DACH1: variants seen among roughly 807,000 people sequenced by gnomAD.
The protein encoded by DACH1 is dachshund homolog 1.
In DACH1, 12 loss-of-function variants were observed where a neutral mutation model predicts 54.2. That is an observed-to-expected ratio of 0.22 (90% CI 0.14 to 0.36). The LOEUF (loss-of-function observed/expected upper bound fraction) is 0.36, where lower values mean the gene tolerates loss of function less well. Ranked by LOEUF, DACH1 falls within the 10% of genes least tolerant of loss-of-function variation. The pLI is 1.00. For missense variants in DACH1, 805 were observed against 929.8 expected (o/e 0.87, Z 1.75); for synonymous variants, 386 against 366.2 (o/e 1.05, Z -0.62).
At chr13:71,625,140 T>C (rs978870329) in intron 3 of DACH1, among the ~76,000 whole-genome samples, 1 of 151,940 alleles carries the variant, frequency 6.6e-6, no homozygotes, top group Non-Finnish European at 1.5e-5. Context: ...AGAAACCAAA[T>C]GACTACTGTA....
At chr13:71,721,296 A>G (rs2138803368) in intron 1 of DACH1, among the ~76,000 whole-genome samples, 1 of 152,236 alleles carries the variant, frequency 6.6e-6, no homozygotes, top group African/African-American at 2.4e-5. Context: ...TGATGTGAAC[A>G]GCCAAGAGAT....
Position 71,440,397 on chromosome 13 carries a change from G to T in DACH1, c.*258C>A, listed in dbSNP as rs2138091299. The T allele has an allele frequency of 1.3e-5, 5 of 396,806 alleles. No individual in the cohort carries two copies. In the South Asian group the frequency reaches 1.5e-4, roughly 12 times the overall value. The allele number at this position is 396,806 out of a possible 1,614,324, so 24.6% of individuals were successfully genotyped here. A position where few individuals can be genotyped will look rare whatever the true frequency, so the allele number is the denominator to read the frequency against. On this transcript the variant is annotated 3_prime_UTR_variant, in exon 11 of 11. Transcript: ENST00000613252. Reference sequence around the variant, plus strand: ...TCTGTATACAATTGTCCAGCAGCAAGTTGCAGTAATTAACTGTAAGAACTT... The same window carrying T: ...TCTGTATACAATTGTCCAGCAGCAATTTGCAGTAATTAACTGTAAGAACTT...
At chr13:71,497,595 G>T (rs1879543727) in intron 6 of DACH1, among the ~76,000 whole-genome samples, 1 of 152,124 alleles carries the variant, frequency 6.6e-6, no homozygotes, top group South Asian at 2.1e-4. Flanking sequence ...GCCTCCCAAA[G>T]TGCTGGGATT....
intron 1 of DACH1, among the ~76,000 whole-genome samples, chr13:71,707,050 T>C (rs1048067196): frequency 3.9e-5 from 6 of 152,248 alleles, no homozygotes; most frequent in African/African-American, 1.4e-4. Context: ...TTTAATTTAA[T>C]ACATTTAGTG....
intron 1 of DACH1, among the ~76,000 whole-genome samples, chr13:71,767,492 T>C (rs959161006): frequency 6.6e-6 from 1 of 152,086 alleles, no homozygotes; most frequent in Non-Finnish European, 1.5e-5. Flanking sequence ...AATCCATTTC[T>C]ATGACAGAGA....
chr13:71,573,177 T>C (rs1046364951), intron 3 of DACH1, among the ~76,000 whole-genome samples, 165 bp from the exon 4 acceptor site: 1 of 152,180 alleles, frequency 6.6e-6, no homozygotes, highest in African/African-American at 2.4e-5. Flanking sequence ...TACAGCTATC[T>C]GGTTTGGTGC....
intron 1 of DACH1, among the ~76,000 whole-genome samples, chr13:71,776,980 C>G (rs1304440427): frequency 6.6e-6 from 1 of 152,124 alleles, no homozygotes; most frequent in Non-Finnish European, 1.5e-5. Context: ...ATCTGATAAG[C>G]ATCCTCAAAG....
chr13:71,518,502 TTA>T (rs776673997), intron 6 of DACH1, among the ~76,000 whole-genome samples: 2 of 151,904 alleles, frequency 1.3e-5, no homozygotes, highest in Non-Finnish European at 2.9e-5. Flanking sequence ...GCTACCTAAC[TTA>T]TGATTACTTA....
intron 6 of DACH1, among the ~76,000 whole-genome samples, chr13:71,554,978 T>C (rs571637758): frequency 6.6e-6 from 1 of 152,298 alleles, no homozygotes; most frequent in South Asian, 2.1e-4. Flanking sequence ...GTTATTCCAA[T>C]TCTAGTACTG....
intron 1 of DACH1, among the ~76,000 whole-genome samples, chr13:71,831,720 T>C (rs1052010327): frequency 6.6e-6 from 1 of 152,020 alleles, no homozygotes; most frequent in African/African-American, 2.4e-5. Flanking sequence ...AACCGAGGGA[T>C]AACATACAGC....
chr13:71,686,962 A>G (rs2138713618), intron 1 of DACH1, among the ~76,000 whole-genome samples: 1 of 152,340 alleles, frequency 6.6e-6, no homozygotes, highest in Middle Eastern at 3.4e-3. Flanking sequence ...TAAGAAGGAC[A>G]ATAAAATTAA....
intron 1 of DACH1, among the ~76,000 whole-genome samples, chr13:71,698,436 G>A (rs116443036): frequency 0.02 from 3,010 of 152,022 alleles, 79 homozygotes; most frequent in African/African-American, 0.057. Context: ...CTCAAAGAAC[G>A]TTTAGTCCTC....
At chr13:71,581,218 TGCA>T (rs1173368823) in intron 3 of DACH1, among the ~76,000 whole-genome samples, 1 of 152,182 alleles carries the variant, frequency 6.6e-6, no homozygotes, top group Non-Finnish European at 1.5e-5. Context: ...GCTTATGATA[TGCA>T]GGAGAGGCAC....
chr13:71,499,084 A>G (rs1243537753), intron 6 of DACH1, among the ~76,000 whole-genome samples: 1 of 151,158 alleles, frequency 6.6e-6, no homozygotes, highest in African/African-American at 2.4e-5. Flanking sequence ...GGCACCAAGC[A>G]TTAAACACAC....
At chr13:71,578,808 CA>C (rs1885692461) in intron 3 of DACH1, among the ~76,000 whole-genome samples, 1 of 152,046 alleles carries the variant, frequency 6.6e-6, no homozygotes. Flanking sequence ...ATAATGTCCG[CA>C]GAGTAGGTCA....
intron 6 of DACH1, among the ~76,000 whole-genome samples, chr13:71,525,906 A>G (rs982056037): frequency 6.6e-6 from 1 of 152,180 alleles, no homozygotes; most frequent in South Asian, 2.1e-4. Context: ...AATCAAGTCG[A>G]GACTGCTGCT....
intron 6 of DACH1, among the ~76,000 whole-genome samples, chr13:71,516,331 T>C (rs1881155359): frequency 1.3e-5 from 2 of 151,786 alleles, no homozygotes; most frequent in South Asian, 2.1e-4. Context: ...GACTATAGTA[T>C]CTTTCCTTTT....
intron 1 of DACH1, among the ~76,000 whole-genome samples, chr13:71,789,666 T>A (rs1410760780): frequency 6.6e-6 from 1 of 152,080 alleles, no homozygotes; most frequent in Non-Finnish European, 1.5e-5. Context: ...AACCCATTAG[T>A]GGGGTTTTCT....
At chr13:71,824,375 A>T (rs77494421) in intron 1 of DACH1, among the ~76,000 whole-genome samples, 4,558 of 152,102 alleles carry the variant, frequency 0.03, 218 homozygotes, top group African/African-American at 0.1. Flanking sequence ...ATTAAGGAAG[A>T]GATGGAGAGG....
Sources: gnomAD v4.1 joint callset for allele counts (sites outside exome capture counted in the v4.1 genomes callset) on GRCh38, gnomAD v4.1.1 for gene constraint, MANE v1.5 for transcripts, NCBI Gene and HGNC (gene_info 2026-07-23, HGNC 2026-07-21) for gene names.